CAMK1D: variants seen among roughly 807,000 people sequenced by gnomAD.
CAMK1D encodes calcium/calmodulin dependent protein kinase ID, also known as calcium/calmodulin-dependent protein kinase type 1D.
A neutral mutation model predicts 47.7 loss-of-function variants in CAMK1D; 9 were observed. The observed-to-expected ratio is 0.19, with a 90% CI of 0.11 to 0.33. The LOEUF (loss-of-function observed/expected upper bound fraction) is 0.33. Among genes scored for constraint, CAMK1D ranks in the 10% least tolerant of loss-of-function variants. The pLI is 1.00. For synonymous variants in CAMK1D, 184 were observed against 184.9 expected (o/e 0.99, Z 0.04); for missense variants, 291 against 488.7 (o/e 0.60, Z 3.81).
At chr10:12,499,069 CT>C (rs35158100) in intron 1 of CAMK1D, among the ~76,000 whole-genome samples, 53,913 of 122,604 alleles carry the variant, frequency 0.44, 9,382 homozygotes, top group Non-Finnish European at 0.5. Context: ...TAAATTACAG[CT>C]TTTTTTTTTT....
At chr10:12,481,537 T>C (rs1400255841) in intron 1 of CAMK1D, among the ~76,000 whole-genome samples, 1 of 151,806 alleles carries the variant, frequency 6.6e-6, no homozygotes, top group Non-Finnish European at 1.5e-5. Context: ...TGAGATGGAG[T>C]CTCGCCCTGT....
chr10:12,666,269 G>C (rs1351142702), intron 2 of CAMK1D, among the ~76,000 whole-genome samples: 1 of 152,042 alleles, frequency 6.6e-6, no homozygotes, highest in Non-Finnish European at 1.5e-5. Flanking sequence ...CTGTTCCCTG[G>C]AACATATATA....
At chr10:12,514,492 A>C (rs1835131277) in intron 1 of CAMK1D, among the ~76,000 whole-genome samples, 1 of 152,244 alleles carries the variant, frequency 6.6e-6, no homozygotes, top group African/African-American at 2.4e-5. Context: ...TTTAATTAGC[A>C]AGATGACATG....
At chr10:12,492,675 C>A (rs1834422733) in intron 1 of CAMK1D, among the ~76,000 whole-genome samples, 1 of 152,196 alleles carries the variant, frequency 6.6e-6, no homozygotes, top group South Asian at 2.1e-4. Context: ...CGCACAGCCA[C>A]TGTTTGACAG....
chr10:12,445,240 C>T (rs561810430), intron 1 of CAMK1D, among the ~76,000 whole-genome samples: 2 of 152,342 alleles, frequency 1.3e-5, no homozygotes, highest in Admixed American at 6.5e-5. Flanking sequence ...ATGCCCTGCA[C>T]TAGTCTTTCA....
At chr10:12,755,701 G>A (rs563300502) in intron 3 of CAMK1D, among the ~76,000 whole-genome samples, 9 of 152,138 alleles carry the variant, frequency 5.9e-5, no homozygotes, top group African/African-American at 2.2e-4. Flanking sequence ...ATTCTAACTG[G>A]TGTGAGATAG....
chr10:12,368,848 T>C (rs553819429), intron 1 of CAMK1D, among the ~76,000 whole-genome samples: 1 of 152,220 alleles, frequency 6.6e-6, no homozygotes, highest in East Asian at 1.9e-4. Flanking sequence ...GATGGAGTCT[T>C]GCTCTGTCTC....
Position 12,429,494 on chromosome 10 carries a change from C to T in CAMK1D, c.92+79584C>T, listed in dbSNP as rs147683028. On this transcript the variant is annotated intron_variant, in intron 1 of 10. Transcript: ENST00000619168. Reference sequence around the variant, plus strand: ...AGCTGGGATTATAGGTGCGCGCTATCGTGCCTGGCTAATTTTTGTATTTTT... The same window carrying T: ...AGCTGGGATTATAGGTGCGCGCTATTGTGCCTGGCTAATTTTTGTATTTTT... Among the ~76,000 whole-genome samples, 237 of 152,242 alleles carry T rather than the reference C, an allele frequency of 1.6e-3. 2 individuals carry two copies. The highest frequency in any genetic ancestry group is 5.5e-3 in the African/African-American group (230 of 41,550).
chr10:12,503,240 T>C (rs1834761964), intron 1 of CAMK1D, among the ~76,000 whole-genome samples: 2 of 152,214 alleles, frequency 1.3e-5, no homozygotes, highest in South Asian at 4.1e-4. Context: ...GTGTGTTGTG[T>C]GTGTGCACTT....
intron 1 of CAMK1D, among the ~76,000 whole-genome samples, chr10:12,399,883 C>CA (rs767939424): frequency 1.3e-5 from 2 of 151,958 alleles, no homozygotes; most frequent in Non-Finnish European, 2.9e-5. Flanking sequence ...GCTGTGAGTT[C>CA]AATATTAATG....
chr10:12,644,259 A>T (rs1436778372), intron 2 of CAMK1D, among the ~76,000 whole-genome samples: 1 of 152,208 alleles, frequency 6.6e-6, no homozygotes. Context: ...CAAGCAGGGC[A>T]GAGTTAGCTC....
At chr10:12,443,625 ATTTTATTTTT>A (rs1301324457) in intron 1 of CAMK1D, among the ~76,000 whole-genome samples, 2 of 151,732 alleles carry the variant, frequency 1.3e-5, no homozygotes, top group African/African-American at 4.8e-5. Context: ...TTCCTATTTT[ATTTTATTTTT>A]TTTTTTATTT....
chr10:12,833,838 C>T lies in CAMK1D; in HGVS notation c.*4951C>T, dbSNP rs1303206507. On this transcript the variant is annotated 3_prime_UTR_variant, in exon 11 of 11. Transcript: ENST00000619168. Reference sequence around the variant, plus strand: ...ATGTTCTTCTGAAACTGTACTTCTTCCCTATTCTGTCTACCCACACTCTGC... The same window carrying T: ...ATGTTCTTCTGAAACTGTACTTCTTTCCTATTCTGTCTACCCACACTCTGC... 1 of 151,654 alleles carries T rather than the reference C, an allele frequency of 6.6e-6. No individual in the cohort carries two copies. Among genetic ancestry groups the T allele is most frequent in the Non-Finnish European group, 1.5e-5 (1 of 67,980 alleles). The allele number at this position is 151,654 out of a possible 1,614,324, so 9.4% of individuals were successfully genotyped here.
intron 6 of CAMK1D, among the ~76,000 whole-genome samples, chr10:12,804,576 C>G (rs765828723): frequency 1.3e-5 from 2 of 148,428 alleles, no homozygotes; most frequent in Non-Finnish European, 3.0e-5. Flanking sequence ...CCAGCCTGGG[C>G]GACAGAGTGA....
chr10:12,799,771 C>T lies in CAMK1D; in HGVS notation c.641+8538C>T, dbSNP rs147146204. ...GGCTTGGTACTCTGCACACATGCTC[C>T]GGGCTTTCTCGAGGTGGTGTCCATC... is the stretch of plus-strand genomic sequence containing the variant. On this transcript the variant is annotated intron_variant, in intron 6 of 10. Coordinates refer to ENST00000619168, the MANE Select transcript of CAMK1D (RefSeq NM_153498.4). Among the ~76,000 whole-genome samples the T allele has an allele frequency of 1.7e-3, 258 of 152,262 alleles. 1 individual carries two copies. The highest frequency in any genetic ancestry group is 5.8e-3 in the African/African-American group (243 of 41,540).
intron 2 of CAMK1D, among the ~76,000 whole-genome samples, chr10:12,623,801 G>A (rs1233752444): frequency 1.3e-5 from 2 of 152,042 alleles, no homozygotes; most frequent in Non-Finnish European, 1.5e-5. Context: ...ATTAAGGGCC[G>A]GGTGTGGTGG....
At chr10:12,751,042 G>T (rs947637236) in intron 3 of CAMK1D, among the ~76,000 whole-genome samples, 1 of 149,246 alleles carries the variant, frequency 6.7e-6, no homozygotes, top group Admixed American at 6.7e-5. Flanking sequence ...GACGGAGCCC[G>T]TCTCCCCCAA....
intron 1 of CAMK1D, among the ~76,000 whole-genome samples, chr10:12,453,218 T>C (rs1408576177): frequency 6.6e-6 from 1 of 150,980 alleles, no homozygotes; most frequent in Admixed American, 6.6e-5. Flanking sequence ...GAGATGGAGT[T>C]TCACTCTGTC....
chr10:12,674,702 C>T (rs1296141424), intron 3 of CAMK1D, among the ~76,000 whole-genome samples: 5 of 137,530 alleles, frequency 3.6e-5, no homozygotes, highest in Non-Finnish European at 7.6e-5. Flanking sequence ...AAAGTCAGTT[C>T]GTTTGGAATT....
Sources: allele counts gnomAD v4.1 joint callset (sites outside exome capture counted in the v4.1 genomes callset), GRCh38; gene constraint gnomAD v4.1.1; transcripts MANE v1.5; gene names NCBI Gene and HGNC (gene_info 2026-07-23, HGNC 2026-07-21).